The following TMEM132B variants were observed in gnomAD, a reference collection of about 807,000 sequenced individuals.
The protein encoded by TMEM132B is transmembrane protein 132B.
In TMEM132B, 18 loss-of-function variants were observed where a neutral mutation model predicts 90.8. The ratio of observed to expected loss-of-function variants is 0.20; its 90% confidence interval spans 0.14 to 0.29. The LOEUF is 0.29. Among genes scored for constraint, TMEM132B ranks in the 10% least tolerant of loss-of-function variants. TMEM132B has a pLI of 1.00. For synonymous variants in TMEM132B, 504 were observed against 523.3 expected, an observed-to-expected ratio of 0.96 and a Z score of 0.50; for missense variants, 1,096 against 1,326.8, an observed-to-expected ratio of 0.83 and a Z score of 2.70.
chr12:125,192,296 G>C (rs373888884), intron 1 of TMEM132B, among the ~76,000 whole-genome samples: 2 of 152,194 alleles, frequency 1.3e-5, no homozygotes, highest in Non-Finnish European at 2.9e-5. Flanking sequence ...GTGAACCCTG[G>C]TGTGTCTGTC....
In TMEM132B at chr12:125,455,357, G is replaced by T. The variant is rs562904309; in HGVS notation, c.1106+39680G>T. Among the ~76,000 whole-genome samples the T allele has an allele frequency of 2.1e-3, 316 of 152,296 alleles. 3 individuals carry two copies. Among genetic ancestry groups the T allele is most frequent in the African/African-American group, 7.1e-3 (294 of 41,556 alleles). The stretch of plus-strand genomic sequence containing the variant: ...GATGAGGATAAAGCCTGGCATTTGG[G>T]GACATTTGTGGGAATCACAGCCTGT... On this transcript the variant is annotated intron_variant, in intron 3 of 8. Transcript: ENST00000682704.
At chr12:125,314,372 T>C (rs1015368740) in intron 1 of TMEM132B, among the ~76,000 whole-genome samples, 2 of 152,178 alleles carry the variant, frequency 1.3e-5, no homozygotes, top group Non-Finnish European at 2.9e-5. Flanking sequence ...AGGCAGCAGA[T>C]GGGAGGCTCT....
intron 1 of TMEM132B, among the ~76,000 whole-genome samples, chr12:125,345,202 C>G (rs1366143157): frequency 1.3e-5 from 2 of 152,154 alleles, no homozygotes; most frequent in Admixed American, 1.3e-4. Context: ...CTCTCGATGC[C>G]TGAGTTGTTT....
chr12:125,541,935 G>A (rs904555131), intron 4 of TMEM132B, among the ~76,000 whole-genome samples: 9 of 145,306 alleles, frequency 6.2e-5, no homozygotes, highest in African/African-American at 2.3e-4. Flanking sequence ...TGAGGCAGGA[G>A]AATGGCGTGA....
chr12:125,363,297 C>A (rs1878019677), intron 2 of TMEM132B, among the ~76,000 whole-genome samples: 1 of 152,170 alleles, frequency 6.6e-6, no homozygotes, highest in South Asian at 2.1e-4. Context: ...CCTGCCTATA[C>A]CTCTGTGAAT....
intron 1 of TMEM132B, among the ~76,000 whole-genome samples, chr12:125,206,356 C>T (rs535027668): frequency 1.6e-4 from 24 of 152,164 alleles, no homozygotes; most frequent in African/African-American, 4.6e-4. Context: ...CTCCTGCCTC[C>T]GCCTCCTGGG....
chr12:125,480,516 G>T (rs2136525880), intron 3 of TMEM132B, among the ~76,000 whole-genome samples: 1 of 152,296 alleles, frequency 6.6e-6, no homozygotes, highest in African/African-American at 2.4e-5. Flanking sequence ...TAGAAGAAAT[G>T]GATAAATTCC....
chr12:125,321,281 CAG>C (rs918245631), intron 1 of TMEM132B, among the ~76,000 whole-genome samples: 3 of 152,082 alleles, frequency 2.0e-5, no homozygotes, highest in African/African-American at 7.2e-5. Flanking sequence ...GTTTTGAAGA[CAG>C]AAAATATCCC....
intron 2 of TMEM132B, among the ~76,000 whole-genome samples, chr12:125,381,492 C>G (rs1456894222): frequency 9.9e-5 from 15 of 152,166 alleles, no homozygotes; most frequent in Admixed American, 9.8e-4. Flanking sequence ...TATCTATTGG[C>G]CTCCCTTCCC....
In TMEM132B at chr12:125,432,509, G is replaced by GTA. The variant is rs1555248844; in HGVS notation, c.1106+16833_1106+16834insAT. ...TATGTATGTGTATATATATGTGTGT[G>GTA]TGTATATATATATATATATAGAGAG... is the stretch of plus-strand genomic sequence containing the variant. On this transcript the variant is annotated intron_variant, in intron 3 of 8. Coordinates refer to ENST00000682704, the MANE Select transcript of TMEM132B (RefSeq NM_001366854.1). Among the ~76,000 whole-genome samples, 5 of 10,514 alleles carry GTA rather than the reference G, an allele frequency of 4.8e-4. 1 individual carries two copies. The highest frequency in any genetic ancestry group is 2.0e-3 in the African/African-American group (5 of 2,526). 6.9% of individuals were successfully genotyped at this position (10,514 alleles called of 152,430 possible).
chr12:125,422,929 A>G lies in TMEM132B; in HGVS notation c.1106+7252A>G, dbSNP rs1880210138. On this transcript the variant is annotated intron_variant, in intron 3 of 8. Coordinates refer to ENST00000682704, the MANE Select transcript of TMEM132B (RefSeq NM_001366854.1). ...GCCAACAAGTCTGAGAGGATTTATAACAGCAGCCCCAGGAAACTAGACCAG... is the reference window on the plus strand; with the variant it reads ...GCCAACAAGTCTGAGAGGATTTATAGCAGCAGCCCCAGGAAACTAGACCAG... Among the ~76,000 whole-genome samples, 3 of 152,318 alleles carry G rather than the reference A, an allele frequency of 2.0e-5. No homozygotes were observed. The South Asian group carries it at 6.2e-4, about 32-fold the overall frequency.
At chr12:125,215,962 G>A (rs1873428815) in intron 1 of TMEM132B, among the ~76,000 whole-genome samples, 1 of 152,240 alleles carries the variant, frequency 6.6e-6, no homozygotes, top group African/African-American at 2.4e-5. Flanking sequence ...CTAGGGATTA[G>A]GACATGCACA....
At position 125,652,636 on chromosome 12, in the gene TMEM132B, A is replaced by AGC; in HGVS notation, c.2106+6_2106+7dup. The AGC allele has an allele frequency of 6.2e-7, 1 of 1,608,552 alleles. No individual in the cohort carries two copies. The highest frequency in any genetic ancestry group is 1.1e-5 in the South Asian group (1 of 90,010). On this transcript the variant is annotated splice_donor_region_variant and intron_variant, in intron 8 of 8. Transcript: ENST00000682704. ...TGTTCTTCAGTCCCCACAGCAGGTG[A>AGC]GCGTTCCAGGGGCCCTGCGTCCTTG... is the stretch of plus-strand genomic sequence containing the variant.
intron 3 of TMEM132B, among the ~76,000 whole-genome samples, chr12:125,428,824 A>G (rs1593141448): frequency 6.6e-6 from 1 of 152,206 alleles, no homozygotes; most frequent in Non-Finnish European, 1.5e-5. Flanking sequence ...TCATAGGTAC[A>G]GGCACACGTG....
At chr12:125,285,254 T>G (rs914657867) in intron 1 of TMEM132B, among the ~76,000 whole-genome samples, 11 of 151,964 alleles carry the variant, frequency 7.2e-5, no homozygotes, top group African/African-American at 2.7e-4. Context: ...AAGAACCGGG[T>G]GGACTGAGGT....
chr12:125,505,700 G>GA lies in TMEM132B; in HGVS notation c.1107-13723dup, dbSNP rs34696111. ...GCGACAAGAGCGAAACCCCGTCTCA[G>GA]AAAAAAAAAAAAAAAATTACTGGGT... On this transcript the variant is annotated intron_variant, in intron 3 of 8. Coordinates refer to ENST00000682704, the MANE Select transcript of TMEM132B (RefSeq NM_001366854.1). Among the ~76,000 whole-genome samples the GA allele has an allele frequency of 4.0e-3, 523 of 130,870 alleles. 2 individuals carry two copies. The highest frequency in any genetic ancestry group is 9.1e-3 in the South Asian group (37 of 4,078). 85.9% of individuals were successfully genotyped at this position (130,870 alleles called of 152,430 possible).
At chr12:125,454,155 A>G (rs1200428227) in intron 3 of TMEM132B, among the ~76,000 whole-genome samples, 1 of 152,184 alleles carries the variant, frequency 6.6e-6, no homozygotes, top group Non-Finnish European at 1.5e-5. Flanking sequence ...TTCTGTTTTC[A>G]GAAAGAGGCA....
At chr12:125,448,964 CTT>C (rs368984381) in intron 3 of TMEM132B, among the ~76,000 whole-genome samples, 45 of 124,716 alleles carry the variant, frequency 3.6e-4, no homozygotes, top group African/African-American at 8.6e-4. Context: ...ATTCATATAT[CTT>C]TTTTTTTTTT....
At chr12:125,392,545 G>C (rs1276045615) in intron 2 of TMEM132B, among the ~76,000 whole-genome samples, 1 of 152,218 alleles carries the variant, frequency 6.6e-6, no homozygotes, top group East Asian at 1.9e-4. Context: ...GGGGTCTGGA[G>C]GTTGTGCTCT....
Sources: allele counts gnomAD v4.1 joint callset (sites outside exome capture counted in the v4.1 genomes callset), GRCh38; gene constraint gnomAD v4.1.1; transcripts MANE v1.5; gene names NCBI Gene and HGNC (gene_info 2026-07-23, HGNC 2026-07-21).